Variants in GGH observed in about 807,000 individuals in gnomAD.
GGH encodes gamma-glutamyl hydrolase.
GGH carries 18 observed loss-of-function variants against 39.2 expected under a neutral mutation model. The observed-to-expected ratio is 0.46, with a 90% CI of 0.32 to 0.68. The LOEUF (loss-of-function observed/expected upper bound fraction) is 0.68. Among genes scored for constraint, GGH ranks in the 30% least tolerant of loss-of-function variants. GGH has a pLI of 0.04. For missense variants in GGH, 367 were observed against 384.1 expected (o/e 0.96, Z 0.37); for synonymous variants, 147 against 138.8 (o/e 1.06, Z -0.42).
chr8:63,027,182 T>C lies in GGH; in HGVS notation c.359A>G (p.Gln120Arg), dbSNP rs758953408. Reference protein sequence around the residue: ...VAKIFYNLSIQSFDDGDYFPV... With the variant: ...VAKIFYNLSIRSFDDGDYFPV... Reference sequence around the variant, plus strand: ...TAATAAGCAATAACTGATATTTACCTGTATGGACAAGTTATAAAATATTTT... The same window carrying C: ...TAATAAGCAATAACTGATATTTACCCGTATGGACAAGTTATAAAATATTTT... The change falls in exon 4 of 9, where the codon CAG (glutamine) becomes CGG (arginine). Residue 120 changes from glutamine to arginine, a missense_variant and splice_region_variant. Coordinates refer to ENST00000260118, the MANE Select transcript of GGH (RefSeq NM_003878.3). The C allele has an allele frequency of 4.5e-5, 61 of 1,355,866 alleles. No homozygotes were observed. The East Asian group carries it at 9.2e-4, about 20-fold the overall frequency. 84.0% of individuals were successfully genotyped at this position (1,355,866 alleles called of 1,614,324 possible).
intron 7 of GGH, 85 bp downstream of exon 7, chr8:63,023,822 T>C: frequency 9.9e-7 from 1 of 1,011,734 alleles, no homozygotes; most frequent in Non-Finnish European, 1.3e-6. Flanking sequence ...CCCAAAGTAA[T>C]ATGATTTTAT....
chr8:63,038,036 T>C (rs1273583901), intron 1 of GGH, among the ~76,000 whole-genome samples: 2 of 152,230 alleles, frequency 1.3e-5, no homozygotes, highest in African/African-American at 2.4e-5. Context: ...GTAGCTTTCC[T>C]TGGGCCTGTC....
chr8:63,037,056 G>A (rs1804923724), intron 1 of GGH, among the ~76,000 whole-genome samples: 1 of 152,128 alleles, frequency 6.6e-6, no homozygotes, highest in Admixed American at 6.5e-5. Context: ...CAGCACTTCA[G>A]CATTTGGAAC....
chr8:63,018,765 G>A (rs1344971908), intron 7 of GGH, among the ~76,000 whole-genome samples: 1 of 152,074 alleles, frequency 6.6e-6, no homozygotes, highest in African/African-American at 2.4e-5. Flanking sequence ...CTAGTATATT[G>A]GATATAAATC....
Position 63,026,258 on chromosome 8 carries a change from T to A in GGH, c.399A>T (p.Thr133=), listed in dbSNP as rs149752603. The A allele has an allele frequency of 1.9e-6, 3 of 1,610,346 alleles. No individual in the cohort carries two copies. The highest frequency in any genetic ancestry group is 2.2e-5 in the East Asian group (1 of 44,778). ...DDGDYFPVWG[T]CLGFEELSLL... ...GTGAAAGCTCTTCAAATCCAAGGCATGTGCCCCACACAGGAAAATAGTCTC... is the reference window on the plus strand; with the variant it reads ...GTGAAAGCTCTTCAAATCCAAGGCAAGTGCCCCACACAGGAAAATAGTCTC... The change falls in exon 5 of 9, where the codon ACA becomes ACT. Residue 133 remains threonine, a synonymous_variant. Transcript: ENST00000260118.
intron 7 of GGH, among the ~76,000 whole-genome samples, chr8:63,018,567 G>C (rs1487293930): frequency 1.3e-5 from 2 of 152,192 alleles, no homozygotes; most frequent in African/African-American, 4.8e-5. Context: ...CCAGTTTTGT[G>C]GGTATTCACG....
intron 7 of GGH, among the ~76,000 whole-genome samples, chr8:63,021,775 G>C (rs1804590875): frequency 6.9e-6 from 1 of 144,960 alleles, no homozygotes; most frequent in Non-Finnish European, 1.5e-5. Context: ...CTAGGTTCAA[G>C]CAATTCTCCT....
intron 7 of GGH, among the ~76,000 whole-genome samples, chr8:63,020,651 G>A (rs1005853347): frequency 2.0e-5 from 3 of 152,212 alleles, no homozygotes; most frequent in Non-Finnish European, 4.4e-5. Flanking sequence ...GAGCTTTTCA[G>A]AGAAGAGGAA....
intron 3 of GGH, chr8:63,028,318 T>A (rs918958964): frequency 5.9e-5 from 9 of 152,104 alleles, no homozygotes; most frequent in Non-Finnish European, 8.8e-5. Flanking sequence ...ACTCAGTATT[T>A]TTTTTTAATT....
chr8:63,035,478 G>T (rs889233525), intron 2 of GGH, among the ~76,000 whole-genome samples, 178 bp downstream of exon 2: 5 of 152,052 alleles, frequency 3.3e-5, no homozygotes, highest in South Asian at 2.1e-4. Flanking sequence ...GCTAATTTTT[G>T]TATTTTTAGT....
intron 2 of GGH, among the ~76,000 whole-genome samples, chr8:63,031,431 AC>A (rs1804800162): frequency 6.6e-6 from 1 of 152,176 alleles, no homozygotes; most frequent in African/African-American, 2.4e-5. Flanking sequence ...ATATACATGT[AC>A]CCAGTATTCT....
At chr8:63,018,629 C>T (rs1299407953) in intron 7 of GGH, among the ~76,000 whole-genome samples, 1 of 152,178 alleles carries the variant, frequency 6.6e-6, no homozygotes, top group Non-Finnish European at 1.5e-5. Context: ...CCTGCCTCCC[C>T]CACTTCCGTG....
chr8:63,034,873 C>T (rs570655922), intron 2 of GGH, among the ~76,000 whole-genome samples: 6 of 152,206 alleles, frequency 3.9e-5, no homozygotes, highest in African/African-American at 1.4e-4. Flanking sequence ...ATTGTAGATT[C>T]ATTAAAATTT....
At chr8:63,016,086 T>A (rs1466302091) in intron 8 of GGH, among the ~76,000 whole-genome samples, 1 of 152,100 alleles carries the variant, frequency 6.6e-6, no homozygotes, top group African/African-American at 2.4e-5. Flanking sequence ...CAGTGAGAAG[T>A]TTGGCATGAT....
intron 7 of GGH, 109 bp from the exon 8 acceptor site, chr8:63,017,739 C>T (rs1438964531): frequency 3.1e-6 from 2 of 644,338 alleles, no homozygotes; most frequent in Non-Finnish European, 2.6e-6. Flanking sequence ...CCTTATCAGA[C>T]AAGGTAAAAT....
chr8:63,017,739 C>A, intron 7 of GGH, 109 bp from the exon 8 acceptor site: 1 of 644,454 alleles, frequency 1.6e-6, no homozygotes, highest in Non-Finnish European at 2.6e-6. Context: ...CCTTATCAGA[C>A]AAGGTAAAAT....
intron 1 of GGH, among the ~76,000 whole-genome samples, chr8:63,037,493 C>A (rs1260552211): frequency 6.6e-6 from 1 of 152,160 alleles, no homozygotes; most frequent in Admixed American, 6.5e-5. Context: ...CAAAATATGA[C>A]CAAAATTCCA....
intron 1 of GGH, among the ~76,000 whole-genome samples, chr8:63,036,267 T>C (rs1804906631): frequency 6.6e-6 from 1 of 152,180 alleles, no homozygotes; most frequent in Non-Finnish European, 1.5e-5. Context: ...ATATCTTTTC[T>C]TAAGAAACCC....
intron 8 of GGH, among the ~76,000 whole-genome samples, chr8:63,016,312 T>C (rs1804486485): frequency 6.6e-6 from 1 of 152,122 alleles, no homozygotes; most frequent in African/African-American, 2.4e-5. Flanking sequence ...ATACTGTATA[T>C]GGGATACTTT....
Sources: gnomAD v4.1 joint callset for allele counts (sites outside exome capture counted in the v4.1 genomes callset) on GRCh38, gnomAD v4.1.1 for gene constraint, MANE v1.5 for transcripts, NCBI Gene and HGNC (gene_info 2026-07-23, HGNC 2026-07-21) for gene names.